XRCC4: variants seen among roughly 807,000 people sequenced by gnomAD.
The protein encoded by XRCC4 is DNA repair protein XRCC4.
A neutral mutation model predicts 39.1 loss-of-function variants in XRCC4; 28 were observed. The ratio of observed to expected loss-of-function variants is 0.72; its 90% confidence interval spans 0.53 to 0.98. The LOEUF is 0.98. XRCC4 is among the 50% of genes least tolerant of loss of function. The pLI, the probability that XRCC4 is intolerant of heterozygous loss-of-function variation, is 0.00. For missense variants in XRCC4, 350 were observed against 376.4 expected (o/e 0.93, Z 0.58); for synonymous variants, 123 against 126.4 (o/e 0.97, Z 0.18).
At chr5:83,086,955 T>C (rs1745209924) in intron 1 of XRCC4, among the ~76,000 whole-genome samples, 1 of 152,206 alleles carries the variant, frequency 6.6e-6, no homozygotes, top group Non-Finnish European at 1.5e-5. Flanking sequence ...TGGTTGAATT[T>C]TTTTGGCCAT....
intron 3 of XRCC4, among the ~76,000 whole-genome samples, chr5:83,160,766 G>C (rs1223617997): frequency 6.6e-6 from 1 of 152,082 alleles, no homozygotes; most frequent in African/African-American, 2.4e-5. Flanking sequence ...TTGTAGACAA[G>C]TACCACCTCA....
intron 6 of XRCC4, among the ~76,000 whole-genome samples, chr5:83,239,750 A>C (rs1386090248): frequency 6.6e-6 from 1 of 151,528 alleles, no homozygotes; most frequent in East Asian, 1.9e-4. Context: ...AATGGTGTGA[A>C]CCCAGGAGGC....
chr5:83,160,820 C>G (rs1022657289), intron 3 of XRCC4, among the ~76,000 whole-genome samples: 1 of 152,036 alleles, frequency 6.6e-6, no homozygotes, highest in African/African-American at 2.4e-5. Flanking sequence ...CCCGCCACCC[C>G]CTTCTTTTAA....
intron 3 of XRCC4, among the ~76,000 whole-genome samples, chr5:83,159,386 C>T (rs1326237467): frequency 6.6e-6 from 1 of 152,088 alleles, no homozygotes. Context: ...AGTGCTAGTG[C>T]ATGCGATTAA....
intron 7 of XRCC4, among the ~76,000 whole-genome samples, chr5:83,271,311 A>T (rs1754138433): frequency 6.6e-6 from 1 of 152,158 alleles, no homozygotes; most frequent in Non-Finnish European, 1.5e-5. Context: ...GTACTCTAAG[A>T]ATCCTAAATT....
chr5:83,271,949 A>G (rs913694570), intron 7 of XRCC4, among the ~76,000 whole-genome samples: 53 of 152,182 alleles, frequency 3.5e-4, no homozygotes, highest in African/African-American at 1.2e-3. Flanking sequence ...CTAGTGCTTC[A>G]TGGAAAACAA....
intron 7 of XRCC4, among the ~76,000 whole-genome samples, chr5:83,346,700 TAAAC>T (rs1756927569): frequency 6.6e-6 from 1 of 152,064 alleles, no homozygotes; most frequent in Non-Finnish European, 1.5e-5. Context: ...ATTGATTAAA[TAAAC>T]AAAACTGTAT....
intron 7 of XRCC4, among the ~76,000 whole-genome samples, chr5:83,261,850 A>G (rs59436982): frequency 0.023 from 3,542 of 152,218 alleles, 127 homozygotes; most frequent in African/African-American, 0.081. Flanking sequence ...AATTAAAAAT[A>G]TGAAATATCC....
chr5:83,163,391 A>G (rs1317040380), intron 3 of XRCC4, among the ~76,000 whole-genome samples: 1 of 152,234 alleles, frequency 6.6e-6, no homozygotes, highest in East Asian at 1.9e-4. Context: ...AAACTGATTG[A>G]TTACTGTCGA....
chr5:83,151,983 G>A (rs4591730), intron 3 of XRCC4, among the ~76,000 whole-genome samples: 73,687 of 152,040 alleles, frequency 0.48, 18,819 homozygotes, highest in African/African-American at 0.63. Flanking sequence ...CCCAAGAAGT[G>A]CTCCAAAGCG....
At chr5:83,092,981 A>G (rs369784454) in intron 1 of XRCC4, among the ~76,000 whole-genome samples, 25 of 151,292 alleles carry the variant, frequency 1.7e-4, no homozygotes, top group African/African-American at 5.8e-4. Context: ...AACGGATTAT[A>G]TTCTCCTATA....
chr5:83,293,266 A>G (rs1754984442), intron 7 of XRCC4, among the ~76,000 whole-genome samples: 1 of 151,938 alleles, frequency 6.6e-6, no homozygotes, highest in Non-Finnish European at 1.5e-5. Flanking sequence ...AGGAAATGAT[A>G]TTCTTTTCTA....
chr5:83,154,322 A>G (rs1256587348), intron 3 of XRCC4, among the ~76,000 whole-genome samples: 1 of 152,234 alleles, frequency 6.6e-6, no homozygotes, highest in Non-Finnish European at 1.5e-5. Context: ...TCAAAGACCA[A>G]AATCCAATAT....
the XRCC4 span, among the ~76,000 whole-genome samples, chr5:83,364,809 G>A: frequency 9.2e-5 from 14 of 152,326 alleles, no homozygotes; most frequent in South Asian, 8.3e-4. Flanking sequence ...AAAGCAGGAC[G>A]CTGACTTTGA....
chr5:83,139,241 T>G (rs775153548), intron 3 of XRCC4, among the ~76,000 whole-genome samples: 6 of 152,154 alleles, frequency 3.9e-5, no homozygotes, highest in Non-Finnish European at 7.4e-5. Context: ...CATTGAGAGT[T>G]TGTAGGACGT....
chr5:83,098,806 A>G (rs1351824851), intron 1 of XRCC4, among the ~76,000 whole-genome samples: 1 of 150,818 alleles, frequency 6.6e-6, no homozygotes, highest in Non-Finnish European at 1.5e-5. Flanking sequence ...CTGATAAAAA[A>G]GGAAAATGCA....
intron 3 of XRCC4, among the ~76,000 whole-genome samples, chr5:83,172,968 C>T (rs1236443329): frequency 2.0e-5 from 3 of 152,016 alleles, no homozygotes; most frequent in African/African-American, 4.8e-5. Flanking sequence ...AATATTTGCA[C>T]TTGTGTTCTA....
chr5:83,291,825 G>A (rs1754928903), intron 7 of XRCC4, among the ~76,000 whole-genome samples: 1 of 151,820 alleles, frequency 6.6e-6, no homozygotes, highest in African/African-American at 2.4e-5. Flanking sequence ...TGGATTCTGA[G>A]GCACTGCTCA....
intron 3 of XRCC4, among the ~76,000 whole-genome samples, chr5:83,181,085 G>A (rs961108002): frequency 4.1e-5 from 6 of 145,914 alleles, no homozygotes; most frequent in Non-Finnish European, 7.5e-5. Context: ...TATTTATCGC[G>A]AAGGTTCTAA....
Sources: gnomAD v4.1 joint callset for allele counts (sites outside exome capture counted in the v4.1 genomes callset) on GRCh38, gnomAD v4.1.1 for gene constraint, MANE v1.5 for transcripts, NCBI Gene and HGNC (gene_info 2026-07-23, HGNC 2026-07-21) for gene names.